Variants in RARS1 observed in about 807,000 individuals in gnomAD.
The protein encoded by RARS1 is arginyl-tRNA synthetase 1.
In RARS1, 75 loss-of-function variants were observed where a neutral mutation model predicts 78.7. That is an observed-to-expected ratio of 0.95 (90% confidence interval 0.79 to 1.15). The LOEUF (loss-of-function observed/expected upper bound fraction) is 1.15. Ranked by LOEUF, RARS1 falls within the 50% of genes most tolerant of loss-of-function variation. RARS1 has a pLI of 0.00. For missense variants in RARS1, 787 were observed against 787.5 expected (o/e 1.00, Z 0.01); for synonymous variants, 273 against 268.2 (o/e 1.02, Z -0.18).
At position 168,495,322 on chromosome 5, in the gene RARS1, T is replaced by G; in HGVS notation, c.587T>G (p.Val196Gly). The G allele has an allele frequency of 6.2e-7, 1 of 1,613,844 alleles. No homozygotes were observed. The highest frequency in any genetic ancestry group is 8.5e-7 in the Non-Finnish European group (1 of 1,179,804). Residue 196 changes from valine to glycine, a missense_variant, in exon 6 of 15, where the codon GTT (valine) becomes GGT (glycine). By Grantham distance (109) the Val-to-Gly change is moderately radical. Transcript: ENST00000231572. ...PALGENKKVIVDFSSPNIAKE... is the reference protein window; with the variant it reads ...PALGENKKVIGDFSSPNIAKE... ...TCTTTTTGTCTACCCCAGGTTATAG[T>G]TGACTTTTCCTCCCCTAATATAGCT...
At chr5:168,510,492 G>A (rs890023537) in intron 11 of RARS1, 89 bp from the exon 12 acceptor site, 1 of 898,348 alleles carries the variant, frequency 1.1e-6, no homozygotes, top group African/African-American at 1.7e-5. Flanking sequence ...TTGCAGTTTT[G>A]TGGTCAGGTC....
In RARS1 at chr5:168,495,455, C is replaced by T. The variant is rs369512389; in HGVS notation, c.701+19C>T. On this transcript the variant is annotated intron_variant, in intron 6 of 14. Coordinates refer to ENST00000231572, the MANE Select transcript of RARS1 (RefSeq NM_002887.4). ...TGCTCAGGTATGTGCTCTTGCCTTG[C>T]GTACTATTCTCTTTCCTTATTTTCT... 201 of 1,599,848 alleles carry T rather than the reference C, an allele frequency of 1.3e-4. No homozygotes were observed. The highest frequency in any genetic ancestry group is 3.0e-4 in the Admixed American group (18 of 59,166).
At chr5:168,509,816 A>T (rs1472787223) in intron 11 of RARS1, among the ~76,000 whole-genome samples, 1 of 152,064 alleles carries the variant, frequency 6.6e-6, no homozygotes, top group African/African-American at 2.4e-5. Flanking sequence ...TATAAAAATT[A>T]AAAAATTAAC....
intron 12 of RARS1, among the ~76,000 whole-genome samples, chr5:168,515,040 C>CAGAT (rs1758636293): frequency 6.6e-6 from 1 of 152,126 alleles, no homozygotes; most frequent in Non-Finnish European, 1.5e-5. Context: ...GAGTTCTTAT[C>CAGAT]AGTTCATATC....
Position 168,494,011 on chromosome 5 carries a change from T to G in RARS1, c.478+9T>G, listed in dbSNP as rs1325197534. 6.3e-7 allele frequency: 1 copy of G among 1,576,258 alleles called. No homozygotes were observed. The highest frequency in any genetic ancestry group is 1.3e-5 in the African/African-American group (1 of 74,120). ...TGAAATTGCTGGTCCTGGTATGACA[T>G]AATGTTATCCTTCTTAATAGTTGTA... On this transcript the variant is annotated intron_variant, in intron 4 of 14. Transcript: ENST00000231572.
chr5:168,510,522 A>G, intron 11 of RARS1, 59 bp from the exon 12 acceptor site: 1 of 1,318,266 alleles, frequency 7.6e-7, no homozygotes, highest in Non-Finnish European at 1.1e-6. Context: ...TTCATTTTCA[A>G]AGATTTCTAA....
At position 168,506,067 on chromosome 5, in the gene RARS1, G is replaced by A. The variant is rs1310562571; in HGVS notation, c.1104G>A (p.Gly368=). 29 of 1,607,508 alleles carry A rather than the reference G, an allele frequency of 1.8e-5. No individual in the cohort carries two copies. Among genetic ancestry groups the A allele is most frequent in the Non-Finnish European group, 2.5e-5 (29 of 1,177,478 alleles). ...GCAGAAAGATTGTATTTGTCCCAGG[G>A]TGTTCCATACCATTAACCATAGTAA... The part of the protein sequence containing the change: ...DDGRKIVFVP[G]CSIPLTIVKS... The change falls in exon 10 of 15, where the codon GGG becomes GGA. Residue 368 remains glycine (G), a synonymous_variant. Coordinates refer to ENST00000231572, the MANE Select transcript of RARS1 (RefSeq NM_002887.4).
chr5:168,489,015 C>G (rs930135776), intron 2 of RARS1, among the ~76,000 whole-genome samples: 1 of 152,078 alleles, frequency 6.6e-6, no homozygotes, highest in African/African-American at 2.4e-5. Context: ...TGAGGCATTT[C>G]TTTTTAAAAA....
Position 168,506,176 on chromosome 5 carries a change from A to T in RARS1, c.1213A>T (p.Ile405Phe), listed in dbSNP as rs567029560. The change falls in exon 10 of 15, where the codon ATC (isoleucine) becomes TTC (phenylalanine). Residue 405 changes from isoleucine to phenylalanine, a missense_variant. Physicochemically the swap from Ile to Phe is conservative, Grantham distance 21. Coordinates refer to ENST00000231572, the MANE Select transcript of RARS1 (RefSeq NM_002887.4). The part of the protein sequence containing the change: ...RLFEEKADMI[I>F]YVVDNGQSVH... ...ATTTGAGGAAAAAGCAGATATGATT[A>T]TCTATGTTGTGGACAATGGACAAGT... is the stretch of plus-strand genomic sequence containing the variant. 1 of 1,580,646 alleles carries T rather than the reference A, an allele frequency of 6.3e-7. No homozygotes were observed. The highest frequency in any genetic ancestry group is 1.9e-5 in the Admixed American group (1 of 53,512).
At position 168,501,552 on chromosome 5, in the gene RARS1, A is replaced by G. The variant is rs566438616; in HGVS notation, c.953-449A>G. ...AGCCTGGCCAACATGGTGAAACCCCATCTCTACTAAAAGTGGAAAAATTAG... is the reference window on the plus strand; with the variant it reads ...AGCCTGGCCAACATGGTGAAACCCCGTCTCTACTAAAAGTGGAAAAATTAG... On this transcript the variant is annotated intron_variant, in intron 8 of 14. Coordinates refer to ENST00000231572, the MANE Select transcript of RARS1 (RefSeq NM_002887.4). 6.7e-4 allele frequency among the ~76,000 whole-genome samples: 102 copies of G among 152,274 alleles called. 1 individual carries two copies. The highest frequency in any genetic ancestry group is 2.4e-3 in the African/African-American group (99 of 41,552).
chr5:168,502,035 T>G lies in RARS1; in HGVS notation c.987T>G (p.Ser329=), dbSNP rs1159736442. The G allele has an allele frequency of 6.2e-7, 1 of 1,601,630 alleles. No individual in the cohort carries two copies. The highest frequency in any genetic ancestry group is 1.3e-5 in the African/African-American group (1 of 74,266). Residue 329 remains serine (S), a synonymous_variant, in exon 9 of 15, where the codon TCT becomes TCG. Transcript: ENST00000231572. ...AAATCTATGATGCATTGGACGTCTC[T>G]TTAATAGAGAGAGGGGAATCCTTCT... The part of the protein sequence containing the change: ...LNKIYDALDV[S]LIERGESFYQ...
At chr5:168,494,266 G>T (rs1758138465) in intron 4 of RARS1, 1 of 985,322 alleles carries the variant, frequency 1.0e-6, no homozygotes, top group South Asian at 4.7e-5. Context: ...TGGCAGATAA[G>T]TCTTCGGCAC....
At chr5:168,518,092 T>TTTTTTTTTTTTTTTTTTTTTTTG (rs1347666642) in intron 14 of RARS1, 30 bp downstream of exon 14, 1 of 1,424,006 alleles carries the variant, frequency 7.0e-7, no homozygotes, top group African/African-American at 1.6e-5. Flanking sequence ...TTTTTTTTTT[T>TTTTTTTTTTTTTTTTTTTTTTTG]TTTAGTGAGA....
intron 12 of RARS1, among the ~76,000 whole-genome samples, chr5:168,515,922 G>C (rs1339693177): frequency 1.3e-5 from 2 of 152,140 alleles, no homozygotes; most frequent in African/African-American, 4.8e-5. Flanking sequence ...CTCCTCTGTG[G>C]CTCCTTCTTT....
intron 11 of RARS1, among the ~76,000 whole-genome samples, chr5:168,508,599 G>A (rs62385664): frequency 0.036 from 4,234 of 118,180 alleles, 74 homozygotes; most frequent in Middle Eastern, 0.086. Context: ...CAGCGTGGGC[G>A]ACAGAGCAAG....
At chr5:168,509,997 G>A (rs1444722389) in intron 11 of RARS1, among the ~76,000 whole-genome samples, 4 of 152,054 alleles carry the variant, frequency 2.6e-5, no homozygotes, top group Non-Finnish European at 5.9e-5. Flanking sequence ...AGTGAATGAA[G>A]CAAGCAAGCA....
Position 168,506,704 on chromosome 5 carries a change from T to A in RARS1, c.1237-18T>A. The A allele has an allele frequency of 1.3e-6, 2 of 1,564,532 alleles. No homozygotes were observed. Among genetic ancestry groups the A allele is most frequent in the Non-Finnish European group, 1.7e-6 (2 of 1,144,244 alleles). The stretch of plus-strand genomic sequence containing the variant: ...TCTTTAAAGAAGACTAGCAAGTAAC[T>A]TTCCGTTTCTGTTGTAGTCTGTGCA... On this transcript the variant is annotated intron_variant, in intron 10 of 14. Coordinates refer to ENST00000231572, the MANE Select transcript of RARS1 (RefSeq NM_002887.4).
At chr5:168,487,919 AC>A (rs2307771) in intron 1 of RARS1, among the ~76,000 whole-genome samples, 21,255 of 152,078 alleles carry the variant, frequency 0.14, 1,720 homozygotes, top group Middle Eastern at 0.18. Flanking sequence ...GTGACAAAGG[AC>A]ATTTGGGTTT....
chr5:168,492,564 GAT>G, intron 2 of RARS1, 93 bp from the exon 3 acceptor site: 1 of 1,094,938 alleles, frequency 9.1e-7, no homozygotes, highest in Non-Finnish European at 1.3e-6. Flanking sequence ...TGGTTCTTAA[GAT>G]ATTTGGAGGT....
Sources: allele counts gnomAD v4.1 joint callset (sites outside exome capture counted in the v4.1 genomes callset), GRCh38; gene constraint gnomAD v4.1.1; transcripts MANE v1.5; gene names NCBI Gene and HGNC (gene_info 2026-07-23, HGNC 2026-07-21).